CEP63: variants seen among roughly 807,000 people sequenced by gnomAD.
CEP63 encodes the protein centrosomal protein of 63 kDa.
In CEP63, 84 loss-of-function variants were observed where a neutral mutation model predicts 89.1. The observed-to-expected ratio is 0.94, with a 90% confidence interval of 0.79 to 1.13. The LOEUF (loss-of-function observed/expected upper bound fraction) is 1.13, where lower values mean the gene tolerates loss of function less well. Among genes scored for constraint, CEP63 ranks in the 50% most tolerant of loss-of-function variants. CEP63 has a pLI of 0.00. For synonymous variants in CEP63, 267 were observed against 272.5 expected, an observed-to-expected ratio of 0.98 and a Z score of 0.20; for missense variants, 838 against 813.3, an observed-to-expected ratio of 1.03 and a Z score of -0.37.
the CEP63 span, among the ~76,000 whole-genome samples, chr3:134,626,979 A>G: frequency 6.6e-6 from 1 of 152,196 alleles, no homozygotes; most frequent in Admixed American, 6.5e-5. Context: ...CACACATCGA[A>G]CAGATTTCCA....
the CEP63 span, among the ~76,000 whole-genome samples, chr3:134,606,400 C>T: frequency 6.6e-6 from 1 of 152,198 alleles, no homozygotes; most frequent in Non-Finnish European, 1.5e-5. Context: ...GGCCACAACC[C>T]TTCATGCCTC....
At chr3:134,759,484 A>G in the CEP63 span, among the ~76,000 whole-genome samples, 1 of 152,236 alleles carries the variant, frequency 6.6e-6, no homozygotes, top group South Asian at 2.1e-4. Flanking sequence ...AATTCATCCA[A>G]GTGAGCAGGA....
chr3:134,723,442 G>A, the CEP63 span, among the ~76,000 whole-genome samples: 5,106 of 152,280 alleles, frequency 0.034, 273 homozygotes, highest in African/African-American at 0.12. Context: ...CTAGGTCCAC[G>A]ATTCTGCAGC....
the CEP63 span, chr3:134,650,717 C>T: frequency 2.8e-6 from 3 of 1,078,070 alleles, no homozygotes; most frequent in South Asian, 3.4e-5. Context: ...GGGTCGGGTT[C>T]GCTGACCTCG....
chr3:134,665,370 C>A, the CEP63 span, among the ~76,000 whole-genome samples: 1 of 152,198 alleles, frequency 6.6e-6, no homozygotes, highest in Non-Finnish European at 1.5e-5. Flanking sequence ...CCTGGAGTGG[C>A]TGTTGCACAA....
the CEP63 span, among the ~76,000 whole-genome samples, chr3:134,690,514 G>A: frequency 6.6e-6 from 1 of 152,256 alleles, no homozygotes; most frequent in African/African-American, 2.4e-5. Context: ...TCTGATGCCA[G>A]TTTCCACAAG....
chr3:134,616,627 A>G, the CEP63 span, among the ~76,000 whole-genome samples: 1 of 152,298 alleles, frequency 6.6e-6, no homozygotes, highest in South Asian at 2.1e-4. Flanking sequence ...TGTTGGAACT[A>G]ATTTTAAATG....
the CEP63 span, among the ~76,000 whole-genome samples, chr3:134,750,876 G>A: frequency 6.6e-6 from 1 of 152,202 alleles, no homozygotes; most frequent in African/African-American, 2.4e-5. Flanking sequence ...ACATAACACT[G>A]TTTAAAAGTG....
chr3:134,512,609 C>T (rs1416774020), intron 3 of CEP63, among the ~76,000 whole-genome samples: 1 of 152,096 alleles, frequency 6.6e-6, no homozygotes, highest in African/African-American at 2.4e-5. Flanking sequence ...ATTCTTACTT[C>T]TGTGAGGAGT....
intron 1 of CEP63, 159 bp downstream of exon 1, chr3:134,486,361 C>T (rs1006903670): frequency 6.6e-5 from 65 of 985,670 alleles, no homozygotes; most frequent in South Asian, 9.4e-5. Context: ...CCGGTTTGCG[C>T]AACGGCCTGC....
intron 12 of CEP63, chr3:134,552,292 C>G (rs1309652890): frequency 4.5e-6 from 1 of 224,056 alleles, no homozygotes; most frequent in Non-Finnish European, 9.0e-6. Context: ...CAGCCTCCAC[C>G]TCCCGGGTTC....
At chr3:134,650,970 TC>T in the CEP63 span, 2 of 1,612,796 alleles carry the variant, frequency 1.2e-6, no homozygotes, top group African/African-American at 2.7e-5. Flanking sequence ...TGATGCCGCC[TC>T]CTTTCCGACC....
intron 12 of CEP63, among the ~76,000 whole-genome samples, 158 bp from the exon 13 acceptor site, chr3:134,557,982 CTT>C (rs1956576165): frequency 6.6e-6 from 1 of 152,160 alleles, no homozygotes; most frequent in Non-Finnish European, 1.5e-5. Context: ...TTGAAGAATT[CTT>C]TATCTCTGTT....
intron 3 of CEP63, among the ~76,000 whole-genome samples, chr3:134,509,013 GAA>G (rs1944208412): frequency 6.7e-6 from 1 of 149,296 alleles, no homozygotes; most frequent in Non-Finnish European, 1.5e-5. Flanking sequence ...TTATTGTGCT[GAA>G]AAATTATGAC....
At chr3:134,615,926 G>T in the CEP63 span, among the ~76,000 whole-genome samples, 4 of 152,348 alleles carry the variant, frequency 2.6e-5, no homozygotes, top group South Asian at 8.3e-4. Context: ...GCTGACATCT[G>T]ATTGGTGACA....
chr3:134,625,894 A>G, the CEP63 span, among the ~76,000 whole-genome samples: 1 of 152,260 alleles, frequency 6.6e-6, no homozygotes, highest in Non-Finnish European at 1.5e-5. Context: ...GGAAGGAGAG[A>G]AAACTAGAGA....
the CEP63 span, among the ~76,000 whole-genome samples, chr3:134,660,889 G>C: frequency 1.3e-5 from 2 of 152,112 alleles, no homozygotes; most frequent in South Asian, 4.1e-4. Context: ...GGCTAGGAAG[G>C]GGCAAGTAAG....
At chr3:134,701,554 C>T in the CEP63 span, among the ~76,000 whole-genome samples, 13 of 150,972 alleles carry the variant, frequency 8.6e-5, no homozygotes, top group Admixed American at 3.3e-4. Context: ...ATACTATGGA[C>T]ATCAAGGGTA....
the CEP63 span, among the ~76,000 whole-genome samples, chr3:134,743,832 A>G: frequency 2.0e-5 from 3 of 152,156 alleles, no homozygotes; most frequent in Non-Finnish European, 2.9e-5. Context: ...TAAAGTTCCA[A>G]CCCTAGTACA....
Sources: gnomAD v4.1 joint callset for allele counts (sites outside exome capture counted in the v4.1 genomes callset) on GRCh38, gnomAD v4.1.1 for gene constraint, MANE v1.5 for transcripts, NCBI Gene and HGNC (gene_info 2026-07-23, HGNC 2026-07-21) for gene names.